The following RBFOX1 variants were observed in gnomAD, a reference collection of about 807,000 sequenced individuals.
RBFOX1 encodes RNA binding protein fox-1 homolog 1.
In RBFOX1, 8 loss-of-function variants were observed where a neutral mutation model predicts 57.7. The observed-to-expected ratio is 0.14, with a 90% confidence interval of 0.08 to 0.25. The LOEUF is 0.25. Ranked by LOEUF, RBFOX1 falls within the 10% of genes least tolerant of loss-of-function variation. The probability of loss-of-function intolerance (pLI) is 1.00; values close to 1 mark genes in which losing one functional copy is unlikely to be tolerated. For synonymous variants in RBFOX1, 326 were observed against 222.4 expected, an observed-to-expected ratio of 1.47 and a Z score of -4.15; for missense variants, 611 against 548.5, an observed-to-expected ratio of 1.11 and a Z score of -1.14.
chr16:7,479,164 C>G (rs1489394075), intron 4 of RBFOX1, among the ~76,000 whole-genome samples: 1 of 150,836 alleles, frequency 6.6e-6, no homozygotes. Flanking sequence ...CGGTCTGTTG[C>G]CTAGGCTGGA....
At chr16:7,120,086 A>G (rs998497453) in intron 4 of RBFOX1, among the ~76,000 whole-genome samples, 19 of 152,132 alleles carry the variant, frequency 1.2e-4, no homozygotes, top group Admixed American at 2.6e-4. Flanking sequence ...ATTAAACCGC[A>G]AAGTCTAAAT....
At position 5,351,875 on chromosome 16, in the gene RBFOX1, C is replaced by G. The variant is rs146848717; in HGVS notation, c.219+111770C>G. On this transcript the variant is annotated intron_variant, in intron 1 of 2. Coordinates refer to the RBFOX1 transcript ENST00000585867. The stretch of plus-strand genomic sequence containing the variant: ...CTGGAGTACAATGGCACAATCTTGG[C>G]TCACTGCAGCCTCTACCTCCTGGGT... Among the ~76,000 whole-genome samples the G allele has an allele frequency of 3.9e-3, 588 of 152,316 alleles. 5 individuals are homozygous for G. Among genetic ancestry groups the G allele is most frequent in the African/African-American group, 0.013 (557 of 41,566 alleles).
chr16:7,374,615 G>C (rs930879253), intron 4 of RBFOX1, among the ~76,000 whole-genome samples: 3 of 152,132 alleles, frequency 2.0e-5, no homozygotes, highest in African/African-American at 7.2e-5. Context: ...GATGAAGGGT[G>C]ATTGTCATGT....
rs111677605 is a variant in RBFOX1 at position 5,394,371 on chromosome 16, T to G, written c.220-72845T>G. On this transcript the variant is annotated intron_variant, in intron 1 of 2. Transcript: ENST00000585867. ...CTGGAAAATTTTAGGACAGCTCACATTGCTCTATTCCCTGCCTTTTTTTGA... is the reference window on the plus strand; with the variant it reads ...CTGGAAAATTTTAGGACAGCTCACAGTGCTCTATTCCCTGCCTTTTTTTGA... Among the ~76,000 whole-genome samples, 880 of 152,316 alleles carry G rather than the reference T, an allele frequency of 5.8e-3. 5 individuals are homozygous for G. The highest frequency in any genetic ancestry group is 0.019 in the African/African-American group (794 of 41,574).
intron 4 of RBFOX1, among the ~76,000 whole-genome samples, chr16:7,375,827 C>G (rs1353161393): frequency 1.3e-5 from 2 of 152,174 alleles, no homozygotes; most frequent in Admixed American, 6.5e-5. Context: ...AATTAAGACA[C>G]TAGCAATAAT....
At chr16:7,317,492 A>C (rs1440657336) in intron 4 of RBFOX1, among the ~76,000 whole-genome samples, 1 of 152,186 alleles carries the variant, frequency 6.6e-6, no homozygotes, top group African/African-American at 2.4e-5. Flanking sequence ...CATCGCCATT[A>C]GGACCATCAC....
intron 4 of RBFOX1, among the ~76,000 whole-genome samples, chr16:5,934,499 A>C (rs2059129429): frequency 6.6e-6 from 1 of 152,240 alleles, no homozygotes; most frequent in Non-Finnish European, 1.5e-5. Flanking sequence ...GAGTGAAGCC[A>C]AGATATCCTG....
chr16:5,943,421 G>C (rs138350133), intron 4 of RBFOX1, among the ~76,000 whole-genome samples: 37 of 152,288 alleles, frequency 2.4e-4, no homozygotes, highest in African/African-American at 8.7e-4. Flanking sequence ...TTTAAGTGGA[G>C]AAACAGCAGG....
intron 1 of RBFOX1, among the ~76,000 whole-genome samples, chr16:6,032,200 G>A (rs865903935): frequency 2.0e-5 from 3 of 151,834 alleles, no homozygotes; most frequent in Non-Finnish European, 4.4e-5. Context: ...GCTGGTCTTG[G>A]AACAAGAAAC....
At chr16:6,063,808 G>A (rs2095721274) in intron 1 of RBFOX1, among the ~76,000 whole-genome samples, 1 of 152,098 alleles carries the variant, frequency 6.6e-6, no homozygotes, top group Non-Finnish European at 1.5e-5. Flanking sequence ...ATTCCATTAG[G>A]TGGTCACTGG....
chr16:7,557,875 G>T (rs1470217204), intron 5 of RBFOX1, among the ~76,000 whole-genome samples: 6 of 151,984 alleles, frequency 3.9e-5, no homozygotes, highest in African/African-American at 1.5e-4. Flanking sequence ...GCCATTGCAA[G>T]ATACCAATGC....
chr16:5,394,908 T>A (rs899842813), intron 1 of RBFOX1, among the ~76,000 whole-genome samples: 8 of 152,120 alleles, frequency 5.3e-5, no homozygotes, highest in African/African-American at 1.9e-4. Flanking sequence ...ACTGAAGTGG[T>A]AACATCCTCA....
At chr16:7,366,284 A>G (rs1358098209) in intron 4 of RBFOX1, among the ~76,000 whole-genome samples, 1 of 152,252 alleles carries the variant, frequency 6.6e-6, no homozygotes, top group Non-Finnish European at 1.5e-5. Context: ...GAGCTGTGTC[A>G]GAGAATGTCA....
chr16:6,412,997 A>G (rs1567219112), intron 2 of RBFOX1, among the ~76,000 whole-genome samples: 1 of 152,182 alleles, frequency 6.6e-6, no homozygotes, highest in African/African-American at 2.4e-5. Flanking sequence ...TATTGAGAAA[A>G]ATTACAACAC....
chr16:7,529,013 C>T (rs1227433702), intron 5 of RBFOX1, among the ~76,000 whole-genome samples: 1 of 152,208 alleles, frequency 6.6e-6, no homozygotes, highest in African/African-American at 2.4e-5. Context: ...AATCCCAGCA[C>T]TTTGGGAGGC....
At chr16:7,391,618 G>A (rs976043252) in intron 4 of RBFOX1, among the ~76,000 whole-genome samples, 4 of 152,150 alleles carry the variant, frequency 2.6e-5, no homozygotes, top group African/African-American at 4.8e-5. Context: ...TTTGTAGCTT[G>A]CATCATCATT....
At position 7,684,036 on chromosome 16, in the gene RBFOX1, A is replaced by AT. The variant is rs550508288; in HGVS notation, c.995+7203dup. Among the ~76,000 whole-genome samples the AT allele has an allele frequency of 2.3e-3, 356 of 152,186 alleles. 1 individual carries two copies. The highest frequency in any genetic ancestry group is 8.4e-3 in the African/African-American group (347 of 41,550). On this transcript the variant is annotated intron_variant, in intron 14 of 15. Coordinates refer to ENST00000550418, the MANE Select transcript of RBFOX1 (RefSeq NM_018723.4). ...ATACTATCTTTCAAGATAAGATGAA[A>AT]TTTTTCAGTAAAAGTGTCTAATATT...
At chr16:7,048,993 A>G (rs1192543930) in intron 3 of RBFOX1, among the ~76,000 whole-genome samples, 1 of 152,208 alleles carries the variant, frequency 6.6e-6, no homozygotes, top group Non-Finnish European at 1.5e-5. Flanking sequence ...GGACATGGGC[A>G]GTAGTCTATT....
At chr16:6,925,301 C>G (rs1165726674) in intron 3 of RBFOX1, among the ~76,000 whole-genome samples, 1 of 148,502 alleles carries the variant, frequency 6.7e-6, no homozygotes, top group African/African-American at 2.6e-5. Flanking sequence ...GCCCATTTAA[C>G]TTTTGTAGAG....
Sources: gnomAD v4.1 joint callset for allele counts (sites outside exome capture counted in the v4.1 genomes callset) on GRCh38, gnomAD v4.1.1 for gene constraint, MANE v1.5 for transcripts, NCBI Gene and HGNC (gene_info 2026-07-23, HGNC 2026-07-21) for gene names.